The following FUBP3 variants were observed in gnomAD, a reference collection of about 807,000 sequenced individuals.
The protein encoded by FUBP3 is far upstream element binding protein 3.
In FUBP3, 28 loss-of-function variants were observed where a neutral mutation model predicts 85.6. That is an observed-to-expected ratio of 0.33 (90% CI 0.24 to 0.45). The LOEUF (loss-of-function observed/expected upper bound fraction) is 0.45, where lower values mean the gene tolerates loss of function less well. FUBP3 is among the 20% of genes least tolerant of loss of function. FUBP3 has a pLI of 1.00. For missense variants in FUBP3, 583 were observed against 755.1 expected, an observed-to-expected ratio of 0.77 and a Z score of 2.67; for synonymous variants, 271 against 271.4, an observed-to-expected ratio of 1.00 and a Z score of 0.01.
intron 2 of FUBP3, among the ~76,000 whole-genome samples, chr9:130,599,706 A>G (rs1250434778): frequency 6.6e-6 from 1 of 152,166 alleles, no homozygotes; most frequent in Non-Finnish European, 1.5e-5. Flanking sequence ...TTTGATATGC[A>G]TCCTTGGCAC....
chr9:130,623,433 A>G (rs1184640466), intron 10 of FUBP3, among the ~76,000 whole-genome samples, 178 bp from the exon 11 acceptor site: 1 of 152,234 alleles, frequency 6.6e-6, no homozygotes, highest in Non-Finnish European at 1.5e-5. Context: ...GCAAAACAAT[A>G]TAATGACACA....
In FUBP3 at chr9:130,632,000, A is replaced by G. The variant is rs750134999; in HGVS notation, c.1411A>G (p.Asn471Asp). The part of the protein sequence containing the change: ...FPNMAAKVNG[N>D]PHSTPVSGPP... ...AAACATGGCTGCCAAGGTGAATGGG[A>G]ACCCCCACAGCACCCCTGTGAGGTA... The change falls in exon 15 of 19, where the codon AAC becomes GAC. Residue 471 changes from asparagine to aspartate, a missense_variant. Physicochemically the swap from Asn to Asp is conservative, Grantham distance 23. Transcript: ENST00000319725. 6.2e-7 allele frequency: 1 copy of G among 1,612,918 alleles called. No individual in the cohort carries two copies. The highest frequency in any genetic ancestry group is 8.5e-7 in the Non-Finnish European group (1 of 1,178,900).
intron 11 of FUBP3, among the ~76,000 whole-genome samples, chr9:130,624,512 T>G (rs1829883504): frequency 6.6e-6 from 1 of 152,080 alleles, no homozygotes; most frequent in South Asian, 2.1e-4. Flanking sequence ...GGCCACTAAA[T>G]CAAGCTCGTT....
At chr9:130,597,001 C>T (rs113878403) in intron 2 of FUBP3, among the ~76,000 whole-genome samples, 18,408 of 151,718 alleles carry the variant, frequency 0.12, 1,255 homozygotes, top group Admixed American at 0.2. Context: ...AATAGTAGGT[C>T]TTATTCGTAC....
rs1234887600 is a variant in FUBP3, at chr9:130,636,079, G to T, written c.1663G>T (p.Val555Phe). ...MAWAEYYRQQ[V>F]AFYGQTLGQA... ...CTGGGCAGAATATTACAGACAGCAG[G>T]TCGCTTTCTACGGACAGACGTTAGG... is the stretch of plus-strand genomic sequence containing the variant. The change falls in exon 18 of 19, where the codon GTC (valine) becomes TTC (phenylalanine). Residue 555 changes from valine to phenylalanine, a missense_variant. Val to Phe is a conservative substitution (Grantham distance 50). This residue lies in a region of FUBP3 where 404 missense variants were observed against 516.8 expected (regional missense o/e 0.78). Transcript: ENST00000319725. The T allele has an allele frequency of 6.2e-7, 1 of 1,613,796 alleles. No individual in the cohort carries two copies.
chr9:130,626,283 C>T (rs748699959), intron 11 of FUBP3, 81 bp from the exon 12 acceptor site: 71 of 1,457,984 alleles, frequency 4.9e-5, no homozygotes, highest in Non-Finnish European at 6.1e-5. Context: ...CATCCTGTCA[C>T]TTAACCTCCT....
chr9:130,630,732 AG>A lies in FUBP3; in HGVS notation c.1228del (p.Val410PhefsTer12). The A allele has an allele frequency of 1.3e-6, 2 of 1,578,230 alleles. No individual in the cohort carries two copies. Among genetic ancestry groups the A allele is most frequent in the South Asian group, 1.2e-5 (1 of 86,802 alleles). On this transcript the variant is annotated frameshift_variant, in exon 13 of 19. Coordinates refer to ENST00000319725, the MANE Select transcript of FUBP3 (RefSeq NM_003934.2). LOFTEE classifies it high-confidence loss of function. ...CCCCAACCTGCGGAGATTCACCATC[AG>A]GGGGGTTCCCCAGCAGATCGAGGTG... Reference protein sequence around the residue: ...SDPNLRRFTIRGVPQQIEVAR... With the variant: ...SDPNLRRFTIXGVPQQIEVAR...
chr9:130,619,651 G>A (rs1294964819), intron 8 of FUBP3, among the ~76,000 whole-genome samples: 1 of 152,176 alleles, frequency 6.6e-6, no homozygotes, highest in African/African-American at 2.4e-5. Context: ...GGTACAGTAG[G>A]TCTTTAGCGC....
At chr9:130,606,670 A>G (rs1404885453) in intron 2 of FUBP3, among the ~76,000 whole-genome samples, 1 of 151,984 alleles carries the variant, frequency 6.6e-6, no homozygotes, top group Non-Finnish European at 1.5e-5. Context: ...AAAATACAAA[A>G]TTAGCCGGGC....
intron 16 of FUBP3, among the ~76,000 whole-genome samples, chr9:130,633,481 AAACGGCCCCCTGGCGGGTGG>A (rs917099180): frequency 6.6e-6 from 1 of 152,212 alleles, no homozygotes; most frequent in African/African-American, 2.4e-5. Context: ...CCTTCAGGGG[AAACGGCCCCCTGGCGGGTGG>A]AACGGGCAGA....
intron 2 of FUBP3, among the ~76,000 whole-genome samples, chr9:130,602,700 G>A (rs1362862174): frequency 6.6e-6 from 1 of 152,200 alleles, no homozygotes; most frequent in Non-Finnish European, 1.5e-5. Context: ...GGGTTAGGAG[G>A]AAGGTTTGCC....
At chr9:130,604,005 GA>G (rs746047920) in intron 2 of FUBP3, among the ~76,000 whole-genome samples, 10 of 152,196 alleles carry the variant, frequency 6.6e-5, no homozygotes, top group Admixed American at 4.6e-4. Flanking sequence ...TTCAACTGAT[GA>G]ATGGTTCTGC....
At chr9:130,589,040 C>T (rs568974214) in intron 1 of FUBP3, among the ~76,000 whole-genome samples, 1 of 152,224 alleles carries the variant, frequency 6.6e-6, no homozygotes, top group East Asian at 1.9e-4. Flanking sequence ...CAACAGGATC[C>T]CTGTTGAGTA....
At chr9:130,631,516 G>A in intron 13 of FUBP3, 41 bp from the exon 14 acceptor site, 1 of 1,556,462 alleles carries the variant, frequency 6.4e-7, no homozygotes, top group East Asian at 2.2e-5. Context: ...AAAGAGGTGT[G>A]CAACCAACAG....
At chr9:130,589,659 ATG>A (rs1830495122) in intron 1 of FUBP3, among the ~76,000 whole-genome samples, 1 of 83,530 alleles carries the variant, frequency 1.2e-5, no homozygotes, top group African/African-American at 4.8e-5. Context: ...TATTTTAAAT[ATG>A]TATGTATGTG....
chr9:130,630,213 G>C (rs866422972), intron 12 of FUBP3, among the ~76,000 whole-genome samples: 10 of 152,230 alleles, frequency 6.6e-5, no homozygotes, highest in African/African-American at 1.2e-4. Context: ...TCATGGAGGC[G>C]CCCTTGGCTC....
At chr9:130,630,813 C>T (rs377421621) in intron 13 of FUBP3, 25 bp downstream of exon 13, 1 of 1,435,184 alleles carries the variant, frequency 7.0e-7, no homozygotes, top group Non-Finnish European at 9.2e-7. Flanking sequence ...CTTCCCCCAC[C>T]TGGTTTACTC....
intron 1 of FUBP3, among the ~76,000 whole-genome samples, chr9:130,591,889 G>A (rs933497318): frequency 9.9e-5 from 15 of 152,154 alleles, no homozygotes; most frequent in East Asian, 3.9e-4. Context: ...TACTACATAC[G>A]TTAGAAGGCT....
rs1831802853 is a variant in FUBP3 at position 130,612,613 on chromosome 9, T to C, written c.274+108T>C. The C allele has an allele frequency of 1.3e-6, 1 of 763,790 alleles. No homozygotes were observed. Among genetic ancestry groups the C allele is most frequent in the Non-Finnish European group, 2.3e-6 (1 of 431,748 alleles). 47.3% of individuals were successfully genotyped at this position (763,790 alleles called of 1,614,324 possible). On this transcript the variant is annotated intron_variant, in intron 4 of 18. Coordinates refer to ENST00000319725, the MANE Select transcript of FUBP3 (RefSeq NM_003934.2). The surrounding 1 kb of genome is among the most constrained non-coding windows in gnomAD (Gnocchi z 4.1). The stretch of plus-strand genomic sequence containing the variant: ...GTTCTTTTTGTTTTAATCTCTCTTG[T>C]GAGTATCACCTGTAGTAGAATGCTT...
Sources: allele counts gnomAD v4.1 joint callset (sites outside exome capture counted in the v4.1 genomes callset), GRCh38; gene constraint gnomAD v4.1.1; regional missense constraint gnomAD v4.1.1; non-coding constraint Gnocchi (gnomAD v3.1); transcripts MANE v1.5; gene names NCBI Gene and HGNC (gene_info 2026-07-23, HGNC 2026-07-21).